The following DLGAP1 variants were observed in gnomAD, a reference collection of about 807,000 sequenced individuals.
DLGAP1 encodes the protein DLG associated protein 1.
A neutral mutation model predicts 90.8 loss-of-function variants in DLGAP1; 11 were observed. The ratio of observed to expected loss-of-function variants is 0.12; its 90% confidence interval spans 0.08 to 0.20. The LOEUF is 0.20. Among genes scored for constraint, DLGAP1 ranks in the 10% least tolerant of loss-of-function variants. The probability of loss-of-function intolerance (pLI) is 1.00; values close to 1 mark genes in which losing one functional copy is unlikely to be tolerated. For synonymous variants in DLGAP1, 558 were observed against 540.7 expected, an observed-to-expected ratio of 1.03 and a Z score of -0.44; for missense variants, 1,050 against 1,333.8, an observed-to-expected ratio of 0.79 and a Z score of 3.31.
chr18:4,436,575 G>A (rs1212609112), intron 1 of DLGAP1, among the ~76,000 whole-genome samples: 4 of 151,612 alleles, frequency 2.6e-5, no homozygotes, highest in African/African-American at 7.3e-5. Context: ...TCATGCCTGA[G>A]CCCACTCTAG....
chr18:3,793,286 G>C (rs2065830287), intron 5 of DLGAP1, among the ~76,000 whole-genome samples: 2 of 152,106 alleles, frequency 1.3e-5, no homozygotes, highest in African/African-American at 2.4e-5. Context: ...CTCAGGATGG[G>C]CACATACCTG....
At chr18:3,859,578 C>T (rs919054952) in intron 4 of DLGAP1, among the ~76,000 whole-genome samples, 7 of 152,002 alleles carry the variant, frequency 4.6e-5, no homozygotes, top group Non-Finnish European at 1.0e-4. Context: ...AAAGTCAGAG[C>T]GAGAGTTGTG....
chr18:3,776,434 T>C (rs1252694839), intron 5 of DLGAP1, among the ~76,000 whole-genome samples: 1 of 152,176 alleles, frequency 6.6e-6, no homozygotes, highest in Non-Finnish European at 1.5e-5. Flanking sequence ...TTTTTCATTT[T>C]CCAGGTTGCA....
intron 7 of DLGAP1, among the ~76,000 whole-genome samples, chr18:3,672,492 G>T (rs529811166): frequency 1.4e-5 from 2 of 143,516 alleles, no homozygotes; most frequent in African/African-American, 2.6e-5. Context: ...CTGGAGAATC[G>T]CTTGAACCTG....
intron 5 of DLGAP1, among the ~76,000 whole-genome samples, chr18:3,778,874 T>C (rs1443933276): frequency 2.6e-5 from 4 of 152,154 alleles, no homozygotes; most frequent in African/African-American, 9.7e-5. Context: ...CTCAGGGTCC[T>C]CTCTCCTTGG....
chr18:4,435,408 G>A (rs909406226), intron 1 of DLGAP1, among the ~76,000 whole-genome samples: 6 of 152,080 alleles, frequency 3.9e-5, no homozygotes, highest in Non-Finnish European at 7.4e-5. Flanking sequence ...TCTGAGTAAT[G>A]GAAAGGTATT....
chr18:4,162,919 T>TA (rs10558980), intron 1 of DLGAP1, among the ~76,000 whole-genome samples: 39 of 126,192 alleles, frequency 3.1e-4, no homozygotes, highest in South Asian at 8.6e-4. Context: ...AGTTTTTTTT[T>TA]AAAAAAAAAC....
At chr18:4,254,912 G>A (rs117782874) in intron 1 of DLGAP1, among the ~76,000 whole-genome samples, 3,242 of 152,280 alleles carry the variant, frequency 0.021, 57 homozygotes, top group Non-Finnish European at 0.035. Context: ...GTAGTAAGGT[G>A]CTAAACTGTA....
chr18:3,663,879 C>T (rs1222033929), intron 7 of DLGAP1, among the ~76,000 whole-genome samples: 26 of 152,158 alleles, frequency 1.7e-4, no homozygotes. Context: ...ATGAGATTAA[C>T]ATTTGGATCA....
chr18:3,728,182 AT>A (rs2062257535), intron 7 of DLGAP1, among the ~76,000 whole-genome samples: 1 of 151,830 alleles, frequency 6.6e-6, no homozygotes, highest in Admixed American at 6.6e-5. Flanking sequence ...ATCATTATTT[AT>A]CTTGACTCTA....
chr18:3,516,753 A>C (rs527550794), intron 10 of DLGAP1, among the ~76,000 whole-genome samples: 13 of 152,332 alleles, frequency 8.5e-5, no homozygotes, highest in Non-Finnish European at 1.6e-4. Context: ...AAATCATCAG[A>C]TCTCATAAGA....
chr18:3,859,783 A>C (rs2069910006), intron 4 of DLGAP1, among the ~76,000 whole-genome samples: 1 of 152,090 alleles, frequency 6.6e-6, no homozygotes, highest in African/African-American at 2.4e-5. Context: ...TGGACTTGTA[A>C]CCTGCAGAAC....
chr18:4,411,587 A>T (rs1023796103), intron 1 of DLGAP1, among the ~76,000 whole-genome samples: 4 of 152,172 alleles, frequency 2.6e-5, no homozygotes, highest in African/African-American at 7.2e-5. Context: ...ATGCCATTTT[A>T]TTATCTTTCA....
At chr18:3,758,798 G>A (rs1454795421) in intron 5 of DLGAP1, among the ~76,000 whole-genome samples, 2 of 152,188 alleles carry the variant, frequency 1.3e-5, no homozygotes, top group Non-Finnish European at 2.9e-5. Flanking sequence ...GATTGCAGAT[G>A]CCCGACTTTC....
At chr18:3,744,351 A>G (rs1328589084) in intron 5 of DLGAP1, among the ~76,000 whole-genome samples, 1 of 152,202 alleles carries the variant, frequency 6.6e-6, no homozygotes, top group Non-Finnish European at 1.5e-5. Context: ...AATTCCCTTT[A>G]AAATTGCAAA....
At chr18:4,096,159 G>A (rs189941296) in intron 2 of DLGAP1, among the ~76,000 whole-genome samples, 2 of 152,238 alleles carry the variant, frequency 1.3e-5, no homozygotes, top group East Asian at 3.9e-4. Flanking sequence ...CCAAGTAGCT[G>A]GGATTGCAGG....
At chr18:4,288,144 T>C (rs961079491) in intron 1 of DLGAP1, among the ~76,000 whole-genome samples, 6 of 152,182 alleles carry the variant, frequency 3.9e-5, no homozygotes, top group Non-Finnish European at 8.8e-5. Context: ...ACATGTGCCA[T>C]GCTGGTGCAC....
intron 9 of DLGAP1, among the ~76,000 whole-genome samples, chr18:3,550,015 G>A (rs2053293018): frequency 6.6e-6 from 1 of 152,190 alleles, no homozygotes; most frequent in Non-Finnish European, 1.5e-5. Flanking sequence ...TCGGGTTCAA[G>A]CGATTTTCCT....
At chr18:3,536,642 C>G (rs2052397219) in intron 9 of DLGAP1, among the ~76,000 whole-genome samples, 1 of 152,170 alleles carries the variant, frequency 6.6e-6, no homozygotes, top group African/African-American at 2.4e-5. Flanking sequence ...GCTTATAGTT[C>G]TCTATTAGGG....
Sources: gnomAD v4.1 joint callset for allele counts (sites outside exome capture counted in the v4.1 genomes callset) on GRCh38, gnomAD v4.1.1 for gene constraint, MANE v1.5 for transcripts, NCBI Gene and HGNC (gene_info 2026-07-23, HGNC 2026-07-21) for gene names.